Variants in PMEPA1 observed in about 807,000 individuals in gnomAD.
The protein encoded by PMEPA1 is protein TMEPAI.
Under a neutral mutation model 23.0 loss-of-function variants are expected in PMEPA1, and 11 were observed. The observed-to-expected ratio is 0.48, with a 90% confidence interval of 0.30 to 0.79. The LOEUF (loss-of-function observed/expected upper bound fraction) is 0.79, where lower values mean the gene tolerates loss of function less well. Among genes scored for constraint, PMEPA1 ranks in the 30% least tolerant of loss-of-function variants. The pLI, the probability that PMEPA1 is intolerant of heterozygous loss-of-function variation, is 0.06. For synonymous variants in PMEPA1, 204 were observed against 166.4 expected (o/e 1.23, Z -1.74); for missense variants, 377 against 390.9 (o/e 0.96, Z 0.30).
rs1405172605 is a variant in PMEPA1, at chr20:57,649,482, G to A, written c.*2571C>T. 6.6e-6 allele frequency: 1 copy of A among 152,154 alleles called. No homozygotes were observed. The highest frequency in any genetic ancestry group is 1.5e-5 in the Non-Finnish European group (1 of 68,086). 9.4% of individuals were successfully genotyped at this position (152,154 alleles called of 1,614,324 possible). On this transcript the variant is annotated 3_prime_UTR_variant, in exon 4 of 4. Transcript: ENST00000341744. ...AGGCTCTGTCCTCAAGCCGGCTGAG[G>A]GCAGCAACCACTCTCCTCCCCTTTC...
intron 1 of PMEPA1, among the ~76,000 whole-genome samples, chr20:57,666,961 C>A (rs547166645): frequency 6.6e-6 from 1 of 152,192 alleles, no homozygotes; most frequent in Non-Finnish European, 1.5e-5. Flanking sequence ...ATTTGTGACA[C>A]GGGAATGATA....
At chr20:57,661,824 C>G (rs1207097363) in intron 1 of PMEPA1, among the ~76,000 whole-genome samples, 1 of 152,230 alleles carries the variant, frequency 6.6e-6, no homozygotes, top group Non-Finnish European at 1.5e-5. Context: ...AGACGCCTCT[C>G]CACACAGAAG....
Position 57,652,191 on chromosome 20 carries a change from G to C in PMEPA1, c.726C>G (p.Ser242=), listed in dbSNP as rs1257056057. ...YSEVIGHYPG[S]SFQHQQSSGP... is the part of the protein sequence containing the mutation. ...CACTGCTCTGCTGGTGCTGGAAGGAGGACCCCGGGTAGTGGCCGATGACCT... is the reference window on the plus strand; with the variant it reads ...CACTGCTCTGCTGGTGCTGGAAGGACGACCCCGGGTAGTGGCCGATGACCT... Residue 242 remains serine (S), a synonymous_variant, in exon 4 of 4, where the codon TCC becomes TCG. Coordinates refer to ENST00000341744, the MANE Select transcript of PMEPA1 (RefSeq NM_020182.5). The surrounding 1 kb of genome is among the most constrained non-coding windows in gnomAD (Gnocchi z 6.1). The C allele has an allele frequency of 3.1e-6, 5 of 1,609,890 alleles. No homozygotes were observed. The highest frequency in any genetic ancestry group is 1.7e-4 in the Middle Eastern group (1 of 6,024).
chr20:57,652,003 G>T lies in PMEPA1; in HGVS notation c.*50C>A. 7.1e-7 allele frequency: 1 copy of T among 1,418,386 alleles called. No homozygotes were observed. The highest frequency in any genetic ancestry group is 9.3e-7 in the Non-Finnish European group (1 of 1,070,608). The allele number at this position is 1,418,386 out of a possible 1,614,324, so 87.9% of individuals were successfully genotyped here. A position where few individuals can be genotyped will look rare whatever the true frequency, so the allele number is the denominator to read the frequency against. ...TCACTCCTCTTCTAAGAAGCGCGGA[G>T]TGTTCTGCCTTTTCACCTACGCAGC... On this transcript the variant is annotated 3_prime_UTR_variant, in exon 4 of 4. Transcript: ENST00000341744. The surrounding 1 kb of genome is among the most constrained non-coding windows in gnomAD (Gnocchi z 6.1).
chr20:57,710,469 G>A, upstream of PMEPA1: 1 of 1,608,424 alleles, frequency 6.2e-7, no homozygotes, highest in Non-Finnish European at 8.5e-7. Context: ...CCCATTGCCT[G>A]GTTTCGCAGG....
intron 1 of PMEPA1, among the ~76,000 whole-genome samples, chr20:57,701,230 C>A (rs1012983603): frequency 6.6e-6 from 1 of 152,176 alleles, no homozygotes; most frequent in African/African-American, 2.4e-5. Context: ...CTGATCACCA[C>A]CTGATACCGC....
chr20:57,667,333 G>A (rs2071507608), intron 1 of PMEPA1, among the ~76,000 whole-genome samples: 1 of 152,216 alleles, frequency 6.6e-6, no homozygotes, highest in Non-Finnish European at 1.5e-5. Context: ...TGTAAACGGG[G>A]AGAGGGTCGC....
chr20:57,699,376 C>T (rs1042153625), intron 1 of PMEPA1, among the ~76,000 whole-genome samples: 1 of 152,238 alleles, frequency 6.6e-6, no homozygotes, highest in African/African-American at 2.4e-5. Flanking sequence ...GCTTAAAAGA[C>T]AATTTGTTTA....
chr20:57,674,919 A>G (rs1160848456), intron 1 of PMEPA1, among the ~76,000 whole-genome samples: 7 of 152,216 alleles, frequency 4.6e-5, no homozygotes, highest in Non-Finnish European at 1.0e-4. Context: ...TTATATCTGG[A>G]CAGATGAATG....
In PMEPA1 at chr20:57,649,872, T is replaced by C. The variant is rs1392461201; in HGVS notation, c.*2181A>G. ...ACGTCCTCACCGAGCGACGGGAGTG[T>C]CACTGCTTCTTCAGTAAGGCACTAG... On this transcript the variant is annotated 3_prime_UTR_variant, in exon 4 of 4. Transcript: ENST00000341744. The C allele has an allele frequency of 5.2e-5, 8 of 152,568 alleles. No homozygotes were observed. The highest frequency in any genetic ancestry group is 1.2e-4 in the Non-Finnish European group (8 of 68,032). The allele number at this position is 152,568 out of a possible 1,614,324, so 9.5% of individuals were successfully genotyped here.
chr20:57,685,015 A>G (rs2071782179), intron 1 of PMEPA1, among the ~76,000 whole-genome samples: 1 of 152,118 alleles, frequency 6.6e-6, no homozygotes, highest in Non-Finnish European at 1.5e-5. Flanking sequence ...GGAGAGGAAG[A>G]ATGGCTGAGG....
chr20:57,694,834 C>G (rs2071925093), intron 1 of PMEPA1, among the ~76,000 whole-genome samples: 1 of 152,234 alleles, frequency 6.6e-6, no homozygotes, highest in South Asian at 2.1e-4. Flanking sequence ...GTCAGGACTG[C>G]TTCCCAGCAC....
chr20:57,659,769 T>C (rs1212553239), intron 1 of PMEPA1, 72 bp from the exon 2 acceptor site: 1 of 1,458,642 alleles, frequency 6.9e-7, no homozygotes, highest in East Asian at 2.5e-5. Flanking sequence ...TCAGCCCTTT[T>C]GAGCTTTTTC....
chr20:57,675,848 G>A (rs927632863), intron 1 of PMEPA1, among the ~76,000 whole-genome samples: 3 of 152,168 alleles, frequency 2.0e-5, no homozygotes, highest in South Asian at 2.1e-4. Flanking sequence ...GTCTAAATCC[G>A]TTGAGTCTTT....
chr20:57,700,020 T>C (rs1337499112), intron 1 of PMEPA1: 1 of 471,064 alleles, frequency 2.1e-6, no homozygotes, highest in East Asian at 6.9e-5. Flanking sequence ...ACACACCTTT[T>C]TGTATTCTTA....
At chr20:57,678,123 C>A (rs148648321) in intron 1 of PMEPA1, among the ~76,000 whole-genome samples, 18 of 152,280 alleles carry the variant, frequency 1.2e-4, no homozygotes, top group African/African-American at 4.3e-4. Context: ...TTACACAAAT[C>A]TACGCATACA....
At chr20:57,660,484 C>A (rs780388417) in intron 1 of PMEPA1, among the ~76,000 whole-genome samples, 71 of 148,004 alleles carry the variant, frequency 4.8e-4, no homozygotes, top group Non-Finnish European at 7.7e-4. Context: ...AACACTCCTA[C>A]ACACACAACA....
upstream of PMEPA1, chr20:57,710,195 C>G (rs539199595): frequency 2.0e-6 from 1 of 496,532 alleles, no homozygotes; most frequent in Non-Finnish European, 3.2e-6. Context: ...ACCCGGCACC[C>G]GCGCAACGGA....
intron 1 of PMEPA1, among the ~76,000 whole-genome samples, chr20:57,661,795 T>C (rs2071422631): frequency 6.6e-6 from 1 of 152,210 alleles, no homozygotes; most frequent in Non-Finnish European, 1.5e-5. Flanking sequence ...GGTGGGAATG[T>C]CACTGTCTGT....
Sources: allele counts gnomAD v4.1 joint callset (sites outside exome capture counted in the v4.1 genomes callset), GRCh38; gene constraint gnomAD v4.1.1; non-coding constraint Gnocchi (gnomAD v3.1); transcripts MANE v1.5; gene names NCBI Gene and HGNC (gene_info 2026-07-23, HGNC 2026-07-21).